The following CLNK variants were observed in gnomAD, a reference collection of about 807,000 sequenced individuals.
CLNK encodes the protein cytokine dependent hematopoietic cell linker, also known as cytokine-dependent hematopoietic cell linker.
Under a neutral mutation model 68.6 loss-of-function variants are expected in CLNK, and 74 were observed. That is an observed-to-expected ratio of 1.08 (90% CI 0.89 to 1.31). CLNK has a LOEUF of 1.31. CLNK is among the 50% of genes most tolerant of loss of function. CLNK has a pLI of 0.00. For synonymous variants in CLNK, 198 were observed against 172.2 expected, an observed-to-expected ratio of 1.15 and a Z score of -1.17; for missense variants, 553 against 515.3, an observed-to-expected ratio of 1.07 and a Z score of -0.71.
At chr4:10,582,565 G>T (rs1459714230) in intron 4 of CLNK, among the ~76,000 whole-genome samples, 2 of 152,034 alleles carry the variant, frequency 1.3e-5, no homozygotes, top group Non-Finnish European at 2.9e-5. Context: ...AAAAACTCAT[G>T]AGTTTATTTT....
At chr4:10,726,431 C>G in the CLNK span, among the ~76,000 whole-genome samples, 1 of 152,106 alleles carries the variant, frequency 6.6e-6, no homozygotes, top group Non-Finnish European at 1.5e-5. Flanking sequence ...ATGTGTGTAT[C>G]TGTGTTGAAA....
rs371510016 is a variant in CLNK, at chr4:10,573,955, A to G, written c.113-2177T>C. Among the ~76,000 whole-genome samples the G allele has an allele frequency of 5.9e-5, 9 of 152,020 alleles. No homozygotes were observed. The East Asian group carries it at 1.2e-3, about 20-fold the overall frequency. ...TCTCTGACTACTCCAGGCCACATCA[A>G]TCTCACTGAATTGTTAACGCATATG... On this transcript the variant is annotated intron_variant, in intron 4 of 18. Coordinates refer to ENST00000226951, the MANE Select transcript of CLNK (RefSeq NM_052964.4).
At chr4:10,711,742 C>G in the CLNK span, among the ~76,000 whole-genome samples, 15 of 152,194 alleles carry the variant, frequency 9.9e-5, no homozygotes, top group Non-Finnish European at 1.5e-4. Flanking sequence ...TTGTGAGTCT[C>G]AGATCATCCA....
chr4:10,542,114 G>T, intron 9 of CLNK, 73 bp from the exon 10 acceptor site: 3 of 1,359,532 alleles, frequency 2.2e-6, no homozygotes, highest in Non-Finnish European at 3.1e-6. Flanking sequence ...CAGTTTTTTG[G>T]TTTACAAATA....
At chr4:10,727,578 G>A in the CLNK span, among the ~76,000 whole-genome samples, 3 of 151,838 alleles carry the variant, frequency 2.0e-5, no homozygotes, top group Admixed American at 6.6e-5. Context: ...TTGAAATAAA[G>A]CATCTACACA....
chr4:10,560,053 A>C (rs762764553), intron 7 of CLNK, among the ~76,000 whole-genome samples: 23 of 152,226 alleles, frequency 1.5e-4, no homozygotes, highest in Non-Finnish European at 1.2e-4. Context: ...ACCACTGATC[A>C]CAATGAAACA....
At chr4:10,721,044 T>C in the CLNK span, among the ~76,000 whole-genome samples, 1 of 152,164 alleles carries the variant, frequency 6.6e-6, no homozygotes, top group Non-Finnish European at 1.5e-5. Context: ...GAGAATTATG[T>C]TGAGTGAAAA....
rs1716462201 is a variant in CLNK at position 10,489,186 on chromosome 4, C to A, written c.*1281G>T. 1.3e-5 allele frequency: 2 copies of A among 152,100 alleles called. No homozygotes were observed. Among genetic ancestry groups the A allele is most frequent in the African/African-American group, 4.8e-5 (2 of 41,406 alleles). The allele number at this position is 152,100 out of a possible 1,614,324, so 9.4% of individuals were successfully genotyped here. A position where few individuals can be genotyped will look rare whatever the true frequency, so the allele number is the denominator to read the frequency against. ...AGCAGATTACAATCTGGGCTCTCTT[C>A]TCATATTGAGTAAGATCAATAGCTA... On this transcript the variant is annotated 3_prime_UTR_variant, in exon 19 of 19. Transcript: ENST00000226951.
At chr4:10,539,099 A>C (rs943040801) in intron 11 of CLNK, among the ~76,000 whole-genome samples, 2 of 152,212 alleles carry the variant, frequency 1.3e-5, no homozygotes, top group Admixed American at 1.3e-4. Flanking sequence ...TAGCTTACCC[A>C]GTCTGAGATA....
the CLNK span, among the ~76,000 whole-genome samples, chr4:10,698,349 G>A: frequency 6.6e-6 from 1 of 152,194 alleles, no homozygotes; most frequent in Non-Finnish European, 1.5e-5. Flanking sequence ...TACTATAGTT[G>A]AATCTTTGAC....
chr4:10,631,898 A>C (rs541619543), intron 2 of CLNK, among the ~76,000 whole-genome samples: 1 of 152,268 alleles, frequency 6.6e-6, no homozygotes, highest in Admixed American at 6.5e-5. Flanking sequence ...AAGGATTCAA[A>C]TATGTCTTTT....
rs1720100005 is a variant in CLNK, at chr4:10,566,097, G to A, written c.204C>T (p.Asp68=). The stretch of plus-strand genomic sequence containing the variant: ...CCATCCGAAGCTCAGGGTCATCATA[G>A]TCATCATCACTGTGGCCTTTTGCTC... ...LDGAKGHSDD[D]YDDPELRMEE... The change falls in exon 6 of 19, where the codon GAC becomes GAT. Residue 68 remains aspartate (D), a synonymous_variant. Transcript: ENST00000226951. 5 of 1,613,884 alleles carry A rather than the reference G, an allele frequency of 3.1e-6. No homozygotes were observed. The highest frequency in any genetic ancestry group is 4.2e-6 in the Non-Finnish European group (5 of 1,179,830).
rs1032741011 is a variant in CLNK at position 10,486,451 on chromosome 4, T to C, written c.*4016A>G. On this transcript the variant is annotated 3_prime_UTR_variant, in exon 19 of 19. Transcript: ENST00000226951. ...CATTAGTAAGGCTGTAAATTATGAA[T>C]GTAAATGTGCTTAGCTAGAACAAAT... 2.0e-5 allele frequency: 3 copies of C among 152,228 alleles called. No homozygotes were observed. Among genetic ancestry groups the C allele is most frequent in the African/African-American group, 7.2e-5 (3 of 41,460 alleles). The allele number at this position is 152,228 out of a possible 1,614,324, so 9.4% of individuals were successfully genotyped here.
At chr4:10,592,313 C>A (rs1438727955) in intron 3 of CLNK, among the ~76,000 whole-genome samples, 1 of 151,836 alleles carries the variant, frequency 6.6e-6, no homozygotes, top group Non-Finnish European at 1.5e-5. Flanking sequence ...AAAACAAAAA[C>A]AAAAATATTT....
At chr4:10,581,962 G>C (rs61795138) in intron 4 of CLNK, among the ~76,000 whole-genome samples, 6,200 of 152,238 alleles carry the variant, frequency 0.041, 188 homozygotes, top group Middle Eastern at 0.095. Context: ...GTTAAAAGTA[G>C]GGATTCCCTG....
the CLNK span, chr4:10,697,114 C>G: frequency 6.6e-6 from 1 of 152,198 alleles, no homozygotes; most frequent in East Asian, 1.9e-4. Flanking sequence ...TCTACATTTT[C>G]TGCCACAGGT....
intron 15 of CLNK, among the ~76,000 whole-genome samples, chr4:10,519,354 T>C (rs1312282874): frequency 2.0e-5 from 3 of 152,182 alleles, no homozygotes; most frequent in Admixed American, 6.5e-5. Context: ...TCTGGATTTC[T>C]CTCTAAGCTA....
intron 2 of CLNK, among the ~76,000 whole-genome samples, chr4:10,613,637 T>C (rs1722117874): frequency 6.6e-6 from 1 of 151,952 alleles, no homozygotes; most frequent in African/African-American, 2.4e-5. Context: ...AGAGAATAGG[T>C]ATGTCATTGA....
At chr4:10,687,517 C>A (rs916763514), upstream of CLNK, among the ~76,000 whole-genome samples, 1 of 151,604 alleles carries the variant, frequency 6.6e-6, no homozygotes. Flanking sequence ...AAGAAAGAAG[C>A]AGGAAAGGGA....
Sources: gnomAD v4.1 joint callset for allele counts (sites outside exome capture counted in the v4.1 genomes callset) on GRCh38, gnomAD v4.1.1 for gene constraint, MANE v1.5 for transcripts, NCBI Gene and HGNC (gene_info 2026-07-23, HGNC 2026-07-21) for gene names.